FAAH2: variants seen among roughly 807,000 people sequenced by gnomAD.
FAAH2 encodes fatty-acid amide hydrolase 2.
Under a neutral mutation model 36.9 loss-of-function variants are expected in FAAH2, and 60 were observed. The ratio of observed to expected loss-of-function variants is 1.63; its 90% CI spans 1.32 to 2.02. The LOEUF (loss-of-function observed/expected upper bound fraction) is 2.02, where lower values mean the gene tolerates loss of function less well. FAAH2 is among the 30% of genes most tolerant of loss of function. FAAH2 has a pLI of 0.00. For missense variants in FAAH2, 689 were observed against 397.5 expected, an observed-to-expected ratio of 1.73 and a Z score of -6.23; for synonymous variants, 214 against 143.8, an observed-to-expected ratio of 1.49 and a Z score of -3.49.
At chrX:57,239,488 A>T in the FAAH2 span, among the ~76,000 whole-genome samples, 18 of 109,715 alleles carry the variant, frequency 1.6e-4, no homozygotes, top group African/African-American at 5.6e-4. Context: ...ATATATATAT[A>T]TTTCATTGAC....
At chrX:57,148,934 G>A in the FAAH2 span, among the ~76,000 whole-genome samples, 6 of 111,454 alleles carry the variant, frequency 5.4e-5, no homozygotes, top group South Asian at 7.6e-4. Context: ...GATATGTCCC[G>A]TCATACCTAA....
chrX:57,464,993 CA>C (rs2057025016), intron 10 of FAAH2, among the ~76,000 whole-genome samples: 1 of 111,142 alleles, frequency 9.0e-6, no homozygotes, highest in Non-Finnish European at 1.9e-5. Context: ...TTCTAAGAAT[CA>C]AAAGATGGAA....
intron 7 of FAAH2, among the ~76,000 whole-genome samples, chrX:57,415,716 A>G (rs2055825037): frequency 2.7e-5 from 3 of 111,266 alleles, no homozygotes; most frequent in South Asian, 7.6e-4. Context: ...TTTGGGGTGG[A>G]GAGTTCTGTA....
intron 10 of FAAH2, among the ~76,000 whole-genome samples, chrX:57,474,772 A>T (rs2057234457): frequency 8.9e-6 from 1 of 112,099 alleles, no homozygotes; most frequent in African/African-American, 3.2e-5. Context: ...TAGATCATTG[A>T]GGAATTGCCA....
At chrX:57,268,300 TA>T in the FAAH2 span, among the ~76,000 whole-genome samples, 7 of 110,202 alleles carry the variant, frequency 6.4e-5, no homozygotes, top group African/African-American at 9.9e-5. Flanking sequence ...CAAGAATAGA[TA>T]AAAAAAGAAT....
the FAAH2 span, among the ~76,000 whole-genome samples, chrX:57,248,384 C>G: frequency 8.9e-6 from 1 of 111,743 alleles, no homozygotes; most frequent in African/African-American, 3.3e-5. Context: ...TCAGTTGTGT[C>G]TTTCTCATGT....
intron 7 of FAAH2, among the ~76,000 whole-genome samples, chrX:57,398,059 C>T (rs1464690829): frequency 9.0e-6 from 1 of 111,685 alleles, no homozygotes; most frequent in Non-Finnish European, 1.9e-5. Flanking sequence ...CATAGTATTC[C>T]ATGGTGTATA....
intron 2 of FAAH2, among the ~76,000 whole-genome samples, chrX:57,309,882 A>G (rs1162646364): frequency 8.9e-6 from 1 of 111,941 alleles, no homozygotes; most frequent in Non-Finnish European, 1.9e-5. Flanking sequence ...TAGTGGCGCA[A>G]TGAACATATG....
chrX:57,131,807 G>A, the FAAH2 span, among the ~76,000 whole-genome samples: 1 of 111,610 alleles, frequency 9.0e-6, no homozygotes, highest in Admixed American at 9.5e-5. Context: ...GAGTTATTAG[G>A]GAATGTACTG....
At chrX:57,401,231 A>C (rs1218956067) in intron 7 of FAAH2, among the ~76,000 whole-genome samples, 1 of 112,072 alleles carries the variant, frequency 8.9e-6, no homozygotes, top group Non-Finnish European at 1.9e-5. Flanking sequence ...AAAAGACAAG[A>C]GTGTCCAGGT....
chrX:57,321,291 AGGGAG>A (rs1392045060), intron 3 of FAAH2, among the ~76,000 whole-genome samples: 1 of 109,939 alleles, frequency 9.1e-6, no homozygotes, highest in Non-Finnish European at 1.9e-5. Flanking sequence ...ACATGGACAC[AGGGAG>A]GGGACCATCA....
intron 4 of FAAH2, among the ~76,000 whole-genome samples, chrX:57,336,968 GAA>G (rs1249675200): frequency 2.0e-3 from 4 of 1,972 alleles, no homozygotes; most frequent in Non-Finnish European, 0.013. Flanking sequence ...CTATTCTTTT[GAA>G]AAAAAAAATA....
chrX:57,269,192 G>T, the FAAH2 span, among the ~76,000 whole-genome samples: 3 of 111,463 alleles, frequency 2.7e-5, no homozygotes, highest in Admixed American at 1.9e-4. Context: ...CTAAATATAT[G>T]CACCCAACAC....
intron 10 of FAAH2, among the ~76,000 whole-genome samples, chrX:57,482,837 C>T (rs1256635579): frequency 2.8e-5 from 3 of 108,444 alleles, no homozygotes; most frequent in Middle Eastern, 4.7e-3. Context: ...AAAATAGCCC[C>T]CAGTCTCTTC....
At chrX:57,308,111 CA>C (rs2052594206) in intron 2 of FAAH2, among the ~76,000 whole-genome samples, 1 of 111,220 alleles carries the variant, frequency 9.0e-6, no homozygotes, top group African/African-American at 3.3e-5. Context: ...CATACAAATG[CA>C]AGTGTCTTTT....
chrX:57,452,276 C>G (rs1437785127), intron 10 of FAAH2: 1 of 753,215 alleles, frequency 1.3e-6, no homozygotes, highest in African/African-American at 2.3e-5. Context: ...TCTTCAGCAT[C>G]CAGCATTAGA....
intron 3 of FAAH2, among the ~76,000 whole-genome samples, chrX:57,324,631 G>C (rs1236340542): frequency 2.3e-4 from 26 of 111,692 alleles, no homozygotes; most frequent in Admixed American, 1.4e-3. Flanking sequence ...TCATGATTTG[G>C]CTCTCTGTTT....
At chrX:57,361,510 T>G (rs1209784213) in intron 5 of FAAH2, among the ~76,000 whole-genome samples, 1 of 111,656 alleles carries the variant, frequency 9.0e-6, no homozygotes, top group Non-Finnish European at 1.9e-5. Flanking sequence ...TGTCAAGAAA[T>G]TAAGATTTTT....
chrX:57,442,875 G>C lies in FAAH2; in HGVS notation c.1117-4053G>C, dbSNP rs1033283434. ...ATTTCTCCTTCACTTATGAAGCTTA[G>C]TTTGGCTGGATATGAAATTCTGGTT... is the stretch of plus-strand genomic sequence containing the variant. On this transcript the variant is annotated intron_variant, in intron 8 of 10. Coordinates refer to ENST00000374900, the MANE Select transcript of FAAH2 (RefSeq NM_174912.4). 3.6e-5 allele frequency among the ~76,000 whole-genome samples: 4 copies of C among 110,620 alleles called. No homozygotes were observed. The Admixed American group carries it at 3.9e-4, about 11-fold the overall frequency.
Sources: allele counts gnomAD v4.1 joint callset (sites outside exome capture counted in the v4.1 genomes callset), GRCh38; gene constraint gnomAD v4.1.1; transcripts MANE v1.5; gene names NCBI Gene and HGNC (gene_info 2026-07-23, HGNC 2026-07-21).